Variants in TYW1 observed in about 807,000 individuals in gnomAD.
The protein encoded by TYW1 is S-adenosyl-L-methionine-dependent tRNA 4-demethylwyosine synthase TYW1.
A neutral mutation model predicts 96.2 loss-of-function variants in TYW1; 46 were observed. That is an observed-to-expected ratio of 0.48 (90% CI 0.38 to 0.61). The LOEUF is 0.61. Among genes scored for constraint, TYW1 ranks in the 20% least tolerant of loss-of-function variants. The probability of loss-of-function intolerance (pLI) is 0.00; values close to 1 mark genes in which losing one functional copy is unlikely to be tolerated. For missense variants in TYW1, 684 were observed against 909.6 expected (o/e 0.75, Z 3.19); for synonymous variants, 274 against 323.0 (o/e 0.85, Z 1.63).
At chr7:67,134,779 G>GTTT (rs56261312) in intron 13 of TYW1, among the ~76,000 whole-genome samples, 6 of 140,192 alleles carry the variant, frequency 4.3e-5, no homozygotes, top group Admixed American at 1.4e-4. Context: ...ATGCCCATGT[G>GTTT]TTTTTTTTTT....
chr7:67,150,131 C>A (rs113737600), intron 13 of TYW1, among the ~76,000 whole-genome samples: 28,618 of 151,526 alleles, frequency 0.19, 2,916 homozygotes, highest in South Asian at 0.28. Flanking sequence ...ATGACCATGT[C>A]TTCACCATTC....
At chr7:67,146,076 T>G (rs549608462) in intron 13 of TYW1, among the ~76,000 whole-genome samples, 5 of 152,136 alleles carry the variant, frequency 3.3e-5, no homozygotes, top group Admixed American at 6.5e-5. Context: ...TTTGTTCTTT[T>G]TTTATTATTT....
At chr7:67,003,165 A>G (rs1793463443) in intron 3 of TYW1, among the ~76,000 whole-genome samples, 1 of 152,184 alleles carries the variant, frequency 6.6e-6, no homozygotes, top group South Asian at 2.1e-4. Flanking sequence ...TCTAGTAAGC[A>G]TCTTAACATC....
At chr7:67,100,967 CCA>C (rs1197417385) in intron 12 of TYW1, among the ~76,000 whole-genome samples, 2 of 151,860 alleles carry the variant, frequency 1.3e-5, no homozygotes. Context: ...AGGTCAGAAG[CCA>C]CACTCTGTTA....
chr7:67,095,531 G>A (rs1197543775), intron 11 of TYW1, among the ~76,000 whole-genome samples: 3 of 151,670 alleles, frequency 2.0e-5, no homozygotes, highest in East Asian at 1.9e-4. Context: ...GGTGGTGTGC[G>A]CCTGTAATCC....
chr7:67,125,309 G>A (rs2949152), intron 13 of TYW1, among the ~76,000 whole-genome samples: 1 of 151,996 alleles, frequency 6.6e-6, no homozygotes, highest in African/African-American at 2.4e-5. Context: ...TCTTTCAGAA[G>A]TGTTGTTATT....
At chr7:67,188,500 G>A (rs1427878504) in intron 14 of TYW1, among the ~76,000 whole-genome samples, 4 of 152,128 alleles carry the variant, frequency 2.6e-5, no homozygotes, top group African/African-American at 9.7e-5. Flanking sequence ...AGGGCTGTAA[G>A]GGAGACACTC....
At chr7:67,093,467 T>C (rs1796786444) in intron 11 of TYW1, among the ~76,000 whole-genome samples, 1 of 152,194 alleles carries the variant, frequency 6.6e-6, no homozygotes, top group Admixed American at 6.5e-5. Flanking sequence ...TAGCCGATGC[T>C]CCTTCCACTT....
At chr7:67,066,216 C>G (rs1356316506) in intron 9 of TYW1, among the ~76,000 whole-genome samples, 1 of 152,084 alleles carries the variant, frequency 6.6e-6, no homozygotes, top group South Asian at 2.1e-4. Context: ...TCTTTAGTAC[C>G]CTACCTGTCC....
intron 15 of TYW1, among the ~76,000 whole-genome samples, chr7:67,211,626 G>A (rs1584702186): frequency 6.6e-6 from 1 of 152,162 alleles, no homozygotes; most frequent in African/African-American, 2.4e-5. Context: ...ACACACTGAT[G>A]TCTCTAATCC....
Position 67,195,303 on chromosome 7 carries a change from A to G in TYW1, c.1943A>G (p.Glu648Gly). ...GAATATGAAATTGCATGTGAACACG[A>G]ACACTCTAATTGCCTCCTGATAGCA... The part of the protein sequence containing the change: ...IPEYEIACEH[E>G]HSNCLLIAHR... The change falls in exon 15 of 16, where the codon GAA becomes GGA. Residue 648 changes from glutamate to glycine, a missense_variant. Coordinates refer to ENST00000359626, the MANE Select transcript of TYW1 (RefSeq NM_018264.4). 3 of 1,613,482 alleles carry G rather than the reference A, an allele frequency of 1.9e-6. No individual in the cohort carries two copies. Among genetic ancestry groups the G allele is most frequent in the Non-Finnish European group, 2.5e-6 (3 of 1,179,854 alleles).
At chr7:67,150,501 T>G (rs926975862) in intron 13 of TYW1, among the ~76,000 whole-genome samples, 6 of 152,204 alleles carry the variant, frequency 3.9e-5, no homozygotes, top group Non-Finnish European at 7.3e-5. Context: ...AGAATTAAGC[T>G]CTTTAAAGCA....
intron 13 of TYW1, among the ~76,000 whole-genome samples, chr7:67,145,281 T>C (rs562927602): frequency 1.3e-5 from 2 of 151,490 alleles, no homozygotes; most frequent in South Asian, 4.2e-4. Flanking sequence ...CCCGTGTAGC[T>C]GGGACTACAG....
intron 13 of TYW1, among the ~76,000 whole-genome samples, chr7:67,133,614 C>CAA (rs1224801455): frequency 5.3e-5 from 3 of 56,848 alleles, no homozygotes; most frequent in Non-Finnish European, 1.0e-4. Flanking sequence ...GTTTCCATCT[C>CAA]AAAAAAAAAA....
chr7:67,156,544 G>A (rs189427329), intron 13 of TYW1, among the ~76,000 whole-genome samples: 1 of 152,294 alleles, frequency 6.6e-6, no homozygotes, highest in African/African-American at 2.4e-5. Flanking sequence ...TTCGTCCTGG[G>A]AGTAGTCATC....
intron 13 of TYW1, among the ~76,000 whole-genome samples, chr7:67,181,890 G>A (rs141575643): frequency 3.5e-4 from 53 of 152,024 alleles, no homozygotes; most frequent in African/African-American, 9.7e-4. Context: ...GTGCAGTGGC[G>A]TGATCTCAGC....
chr7:67,205,247 G>T (rs1386802765), intron 15 of TYW1, among the ~76,000 whole-genome samples: 1 of 152,130 alleles, frequency 6.6e-6, no homozygotes, highest in African/African-American at 2.4e-5. Flanking sequence ...CCTATTGTAG[G>T]AAGGGTGCCT....
At chr7:67,060,726 A>G (rs1362768358) in intron 9 of TYW1, among the ~76,000 whole-genome samples, 1 of 152,250 alleles carries the variant, frequency 6.6e-6, no homozygotes, top group Non-Finnish European at 1.5e-5. Context: ...TAGTCTGCCA[A>G]GTGAGAAAAG....
chr7:67,070,959 G>GTC (rs886808142), intron 10 of TYW1, among the ~76,000 whole-genome samples: 20 of 152,058 alleles, frequency 1.3e-4, no homozygotes, highest in African/African-American at 4.8e-4. Flanking sequence ...GTGAAACCCT[G>GTC]TCTCTTCTAA....
Sources: allele counts gnomAD v4.1 joint callset (sites outside exome capture counted in the v4.1 genomes callset), GRCh38; gene constraint gnomAD v4.1.1; transcripts MANE v1.5; gene names NCBI Gene and HGNC (gene_info 2026-07-23, HGNC 2026-07-21).